Variants in GMNN observed in about 807,000 individuals in gnomAD.
GMNN encodes geminin DNA replication inhibitor.
In GMNN, 14 loss-of-function variants were observed where a neutral mutation model predicts 20.9. That is an observed-to-expected ratio of 0.67 (90% CI 0.44 to 1.05). GMNN has a LOEUF of 1.05. GMNN is among the 50% of genes least tolerant of loss of function. The pLI is 0.00. For synonymous variants in GMNN, 81 were observed against 85.8 expected (o/e 0.94, Z 0.31); for missense variants, 227 against 243.8 (o/e 0.93, Z 0.46).
intron 3 of GMNN, 56 bp downstream of exon 3, chr6:24,780,796 C>T: frequency 2.4e-6 from 2 of 826,990 alleles, no homozygotes; most frequent in East Asian, 2.5e-5. Context: ...ACATCGAAAA[C>T]ATTTCTACTA....
intron 6 of GMNN, among the ~76,000 whole-genome samples, 167 bp from the exon 7 acceptor site, chr6:24,785,471 T>A (rs959708942): frequency 6.6e-6 from 1 of 152,140 alleles, no homozygotes; most frequent in South Asian, 2.1e-4. Flanking sequence ...TGATCTAGCA[T>A]GGTAGAGACT....
At chr6:24,783,100 T>C (rs527817682) in intron 4 of GMNN, among the ~76,000 whole-genome samples, 1 of 152,274 alleles carries the variant, frequency 6.6e-6, no homozygotes, top group South Asian at 2.1e-4. Context: ...GCAGGGAAAC[T>C]TTGGGTGATC....
chr6:24,780,641 A>G, intron 2 of GMNN, 22 bp from the exon 3 acceptor site: 1 of 1,381,272 alleles, frequency 7.2e-7, no homozygotes, highest in Non-Finnish European at 1.0e-6. Flanking sequence ...TAACAAGATA[A>G]TGAATTATGC....
At chr6:24,777,495 T>C (rs553575154) in intron 2 of GMNN, 198 bp downstream of exon 2, 2 of 346,772 alleles carry the variant, frequency 5.8e-6, no homozygotes, top group African/African-American at 2.1e-5. Context: ...ATGGGTTGTC[T>C]CTCTTATTTT....
At chr6:24,782,793 A>G (rs767945973) in intron 4 of GMNN, among the ~76,000 whole-genome samples, 29 of 152,360 alleles carry the variant, frequency 1.9e-4, no homozygotes, top group Non-Finnish European at 3.7e-4. Context: ...ATACATGGTA[A>G]AAATTAAAAT....
chr6:24,785,729 A>G lies in GMNN; in HGVS notation c.560A>G (p.Glu187Gly). The change falls in exon 7 of 7, where the codon GAA (glutamate) becomes GGA (glycine). Residue 187 changes from glutamate to glycine, a missense_variant. Physicochemically the swap from Glu to Gly is moderately conservative, Grantham distance 98. Transcript: ENST00000230056. Reference sequence around the variant, plus strand: ...GAAACTGTTGAGGATTCTCTAGTGGAAGACTCAGAAATTGGCACGTGTGCT... The same window carrying G: ...GAAACTGTTGAGGATTCTCTAGTGGGAGACTCAGAAATTGGCACGTGTGCT... ...EEETVEDSLV[E>G]DSEIGTCAEG... 1 of 1,583,112 alleles carries G rather than the reference A, an allele frequency of 6.3e-7. No homozygotes were observed. The highest frequency in any genetic ancestry group is 1.1e-5 in the South Asian group (1 of 88,302).
intron 1 of GMNN, chr6:24,776,786 C>T (rs539560319): frequency 6.6e-6 from 1 of 152,526 alleles, no homozygotes; most frequent in South Asian, 2.1e-4. Context: ...CTCATTTGAC[C>T]AGATATTAAG....
intron 1 of GMNN, among the ~76,000 whole-genome samples, chr6:24,776,100 A>C (rs1222653315): frequency 6.7e-6 from 1 of 148,886 alleles, no homozygotes; most frequent in Admixed American, 6.6e-5. Flanking sequence ...TTGTTTTCTA[A>C]GCTTTTTTTT....
intron 2 of GMNN, 195 bp downstream of exon 2, chr6:24,777,492 GTC>G (rs766775718): frequency 7.7e-5 from 27 of 351,280 alleles, no homozygotes; most frequent in Admixed American, 2.4e-4. Flanking sequence ...AATATGGGTT[GTC>G]TCTCTTATTT....
At chr6:24,781,680 G>C (rs1780225318) in intron 4 of GMNN, 59 bp downstream of exon 4, 1 of 758,148 alleles carries the variant, frequency 1.3e-6, no homozygotes, top group African/African-American at 1.8e-5. Context: ...GGAAAAATTT[G>C]TTAATACTAT....
At chr6:24,783,849 TTAA>T (rs1397185379) in intron 4 of GMNN, among the ~76,000 whole-genome samples, 15 of 152,096 alleles carry the variant, frequency 9.9e-5, no homozygotes, top group African/African-American at 3.4e-4. Flanking sequence ...GCAAAAATCT[TTAA>T]TAATCTAGGT....
At chr6:24,782,855 T>C (rs1780253249) in intron 4 of GMNN, among the ~76,000 whole-genome samples, 1 of 151,662 alleles carries the variant, frequency 6.6e-6, no homozygotes, top group Admixed American at 6.6e-5. Flanking sequence ...AACTTTATTA[T>C]ATTTGTTGAC....
rs1780299041 is a variant in GMNN, at chr6:24,784,512, A to G, written c.426A>G (p.Ala142=). 2 of 1,567,312 alleles carry G rather than the reference A, an allele frequency of 1.3e-6. No individual in the cohort carries two copies. Among genetic ancestry groups the G allele is most frequent in the East Asian group, 2.2e-5 (1 of 44,580 alleles). ...TGAAAAAGGAGAATAAAGAACTGGC[A>G]GAAGTAGCAGAACATGTACAGTATA... ...ARLKKENKEL[A]EVAEHVQYMA... is the part of the protein sequence containing the mutation. Residue 142 remains alanine (A), a synonymous_variant, in exon 6 of 7, where the codon GCA becomes GCG. Transcript: ENST00000230056.
At chr6:24,781,685 T>C in intron 4 of GMNN, 64 bp downstream of exon 4, 1 of 721,014 alleles carries the variant, frequency 1.4e-6, no homozygotes. Flanking sequence ...AATTTGTTAA[T>C]ACTATTATGA....
rs748649934 is a variant in GMNN at position 24,780,746 on chromosome 6, C to T, written c.129+6C>T. On this transcript the variant is annotated splice_donor_region_variant and intron_variant, in intron 3 of 6. Transcript: ENST00000230056. Reference sequence around the variant, plus strand: ...TTGTTGGAAGAGAAAATGAGGTATGCACTATATGGCTAAAATGGGGTACTG... The same window carrying T: ...TTGTTGGAAGAGAAAATGAGGTATGTACTATATGGCTAAAATGGGGTACTG... The T allele has an allele frequency of 3.6e-6, 5 of 1,405,744 alleles. No individual in the cohort carries two copies. The highest frequency in any genetic ancestry group is 1.7e-4 in the Middle Eastern group (1 of 5,726). 87.1% of individuals were successfully genotyped at this position (1,405,744 alleles called of 1,614,324 possible).
At chr6:24,777,400 C>A in intron 2 of GMNN, 103 bp downstream of exon 2, 1 of 495,220 alleles carries the variant, frequency 2.0e-6, no homozygotes, top group Non-Finnish European at 3.6e-6. Flanking sequence ...TTTCTGTAAG[C>A]CTTGAGTTAG....
chr6:24,783,099 C>T (rs1001940177), intron 4 of GMNN, among the ~76,000 whole-genome samples: 2 of 152,088 alleles, frequency 1.3e-5, no homozygotes, highest in African/African-American at 4.8e-5. Context: ...GGCAGGGAAA[C>T]TTTGGGTGAT....
intron 2 of GMNN, among the ~76,000 whole-genome samples, chr6:24,779,270 A>G (rs1429709459): frequency 1.3e-5 from 2 of 152,240 alleles, no homozygotes; most frequent in Non-Finnish European, 2.9e-5. Context: ...TGCATACTCT[A>G]TATACAGAAA....
In GMNN at chr6:24,785,714, A is replaced by C; in HGVS notation, c.545A>C (p.Glu182Ala). ...QEFDSEEETV[E>A]DSLVEDSEIG... ...TTTGATTCTGAAGAAGAAACTGTTG[A>C]GGATTCTCTAGTGGAAGACTCAGAA... The change falls in exon 7 of 7, where the codon GAG (glutamate) becomes GCG (alanine). Residue 182 changes from glutamate to alanine, a missense_variant. Physicochemically the swap from Glu to Ala is moderately radical, Grantham distance 107. Transcript: ENST00000230056. 5.1e-6 allele frequency: 8 copies of C among 1,565,268 alleles called. No individual in the cohort carries two copies. The highest frequency in any genetic ancestry group is 7.0e-6 in the Non-Finnish European group (8 of 1,142,380).
Sources: gnomAD v4.1 joint callset for allele counts (sites outside exome capture counted in the v4.1 genomes callset) on GRCh38, gnomAD v4.1.1 for gene constraint, MANE v1.5 for transcripts, NCBI Gene and HGNC (gene_info 2026-07-23, HGNC 2026-07-21) for gene names.